The following SRBD1 variants were observed in gnomAD, a reference collection of about 807,000 sequenced individuals.
SRBD1 encodes the protein S1 RNA-binding domain-containing protein 1.
Under a neutral mutation model 115.3 loss-of-function variants are expected in SRBD1, and 88 were observed. The ratio of observed to expected loss-of-function variants is 0.76; its 90% CI spans 0.64 to 0.91. The LOEUF (loss-of-function observed/expected upper bound fraction) is 0.91, where lower values mean the gene tolerates loss of function less well. Among genes scored for constraint, SRBD1 ranks in the 40% least tolerant of loss-of-function variants. The pLI, the probability that SRBD1 is intolerant of heterozygous loss-of-function variation, is 0.00. For missense variants in SRBD1, 1,385 were observed against 1,177.4 expected (o/e 1.18, Z -2.58); for synonymous variants, 509 against 407.7 (o/e 1.25, Z -2.99).
intron 9 of SRBD1, chr2:45,567,852 A>T (rs1672881704): frequency 6.6e-6 from 1 of 152,226 alleles, no homozygotes; most frequent in Non-Finnish European, 1.5e-5. Context: ...CGATTTACAT[A>T]AGTATACCAT....
At chr2:45,593,874 T>C (rs144799795) in intron 4 of SRBD1, among the ~76,000 whole-genome samples, 140 of 152,304 alleles carry the variant, frequency 9.2e-4, no homozygotes, top group Non-Finnish European at 1.2e-3. Flanking sequence ...AGTGGTTGTA[T>C]GAGACAGAAG....
chr2:45,486,494 G>A (rs1031472434), intron 15 of SRBD1, among the ~76,000 whole-genome samples: 38 of 152,058 alleles, frequency 2.5e-4, no homozygotes, highest in Non-Finnish European at 1.5e-5. Context: ...TTGGGAGGCC[G>A]AGGTGGGTGG....
At chr2:45,450,288 G>A (rs1323792863) in intron 16 of SRBD1, among the ~76,000 whole-genome samples, 3 of 152,102 alleles carry the variant, frequency 2.0e-5, no homozygotes, top group African/African-American at 4.8e-5. Context: ...AGTTCCTTAA[G>A]GGCAGGGATC....
intron 10 of SRBD1, among the ~76,000 whole-genome samples, chr2:45,559,208 C>G (rs953531214): frequency 2.6e-5 from 4 of 152,162 alleles, no homozygotes; most frequent in African/African-American, 9.7e-5. Flanking sequence ...TACACTGTGG[C>G]CTGAGTGATC....
At chr2:45,505,635 G>C (rs1372479956) in intron 14 of SRBD1, among the ~76,000 whole-genome samples, 1 of 152,172 alleles carries the variant, frequency 6.6e-6, no homozygotes, top group Non-Finnish European at 1.5e-5. Flanking sequence ...AAGTAAATAA[G>C]ATGAATCTCC....
intron 16 of SRBD1, among the ~76,000 whole-genome samples, chr2:45,433,143 T>G (rs1358547569): frequency 1.3e-5 from 2 of 152,186 alleles, no homozygotes; most frequent in African/African-American, 2.4e-5. Flanking sequence ...TGTCTCTTCC[T>G]GCCCCTTAGT....
At chr2:45,503,626 A>G (rs1319952680) in intron 14 of SRBD1, among the ~76,000 whole-genome samples, 2 of 152,196 alleles carry the variant, frequency 1.3e-5, no homozygotes, top group African/African-American at 4.8e-5. Flanking sequence ...CTTCAAATTA[A>G]GAGGAACCAA....
At chr2:45,574,356 T>G (rs1431140978) in intron 8 of SRBD1, among the ~76,000 whole-genome samples, 1 of 152,208 alleles carries the variant, frequency 6.6e-6, no homozygotes, top group Non-Finnish European at 1.5e-5. Flanking sequence ...GGCAATGGTT[T>G]TTAAACTCAT....
chr2:45,520,628 G>T (rs1457951374), intron 14 of SRBD1, among the ~76,000 whole-genome samples: 2 of 152,138 alleles, frequency 1.3e-5, no homozygotes, highest in South Asian at 2.1e-4. Context: ...TGAACCCCAG[G>T]CTCCAGGAGC....
chr2:45,498,818 C>T (rs1036675848), intron 14 of SRBD1, among the ~76,000 whole-genome samples: 5 of 152,100 alleles, frequency 3.3e-5, no homozygotes, highest in African/African-American at 1.2e-4. Flanking sequence ...CTGCAAATGA[C>T]AGGGTTTCAT....
chr2:45,462,942 A>C (rs578214572), intron 16 of SRBD1, among the ~76,000 whole-genome samples: 1 of 150,100 alleles, frequency 6.7e-6, no homozygotes, highest in East Asian at 2.0e-4. Flanking sequence ...ACTGAAAAAC[A>C]ATTTTCATTC....
intron 9 of SRBD1, among the ~76,000 whole-genome samples, chr2:45,563,508 A>G (rs1049758639): frequency 6.6e-6 from 1 of 152,036 alleles, no homozygotes; most frequent in African/African-American, 2.4e-5. Context: ...ATATCAACAA[A>G]ACCATAAGTT....
chr2:45,473,858 T>C (rs991571470), intron 16 of SRBD1, among the ~76,000 whole-genome samples: 14 of 152,320 alleles, frequency 9.2e-5, no homozygotes, highest in African/African-American at 3.4e-4. Flanking sequence ...TTCAGGAAAA[T>C]TTCCTATTAC....
chr2:45,555,978 AG>A (rs1672463381), intron 10 of SRBD1, among the ~76,000 whole-genome samples: 1 of 152,204 alleles, frequency 6.6e-6, no homozygotes, highest in Admixed American at 6.5e-5. Flanking sequence ...TATTACCTTA[AG>A]GGTACTCTCA....
intron 4 of SRBD1, among the ~76,000 whole-genome samples, chr2:45,591,909 C>A (rs570893489): frequency 2.6e-5 from 4 of 152,276 alleles, no homozygotes; most frequent in African/African-American, 7.2e-5. Context: ...GTATGACCTT[C>A]CAGTGTGATA....
intron 16 of SRBD1, among the ~76,000 whole-genome samples, chr2:45,471,473 T>C (rs1669644929): frequency 6.6e-6 from 1 of 152,202 alleles, no homozygotes; most frequent in Non-Finnish European, 1.5e-5. Context: ...AATATTTTGC[T>C]ATTACAGTAA....
In SRBD1 at chr2:45,547,584, G is replaced by C. The variant is rs369289728; in HGVS notation, c.1704C>G (p.Tyr568Ter). The change falls in exon 13 of 21, where the codon TAC becomes TAG. Residue 568 changes from tyrosine to a stop codon, truncating the protein, a stop_gained. Transcript: ENST00000263736. LOFTEE classifies it high-confidence loss of function. ...CTCGGAAGCCTTGTCCACAATGCAAGTAAACCACATCAGTATGAAGTATCT... is the reference window on the plus strand; with the variant it reads ...CTCGGAAGCCTTGTCCACAATGCAACTAAACCACATCAGTATGAAGTATCT... The part of the protein sequence containing the change: ...TSQILHTDVV[Y>*]LHCGQGFREA... 6.2e-6 allele frequency: 10 copies of C among 1,612,884 alleles called. No individual in the cohort carries two copies. Among genetic ancestry groups the C allele is most frequent in the African/African-American group, 1.3e-5 (1 of 74,852 alleles).
At chr2:45,534,602 G>T (rs924052232) in intron 14 of SRBD1, among the ~76,000 whole-genome samples, 5 of 151,888 alleles carry the variant, frequency 3.3e-5, no homozygotes, top group African/African-American at 1.2e-4. Context: ...ATGATTTATG[G>T]TTTTTATCAT....
intron 14 of SRBD1, among the ~76,000 whole-genome samples, chr2:45,517,130 T>C (rs1671143338): frequency 6.6e-6 from 1 of 152,130 alleles, no homozygotes; most frequent in African/African-American, 2.4e-5. Flanking sequence ...GTAATGAGGG[T>C]ATCTAAAGCA....
Sources: allele counts gnomAD v4.1 joint callset (sites outside exome capture counted in the v4.1 genomes callset), GRCh38; gene constraint gnomAD v4.1.1; transcripts MANE v1.5; gene names NCBI Gene and HGNC (gene_info 2026-07-23, HGNC 2026-07-21).